Variants in GLRA3 observed in about 807,000 individuals in gnomAD.
The protein encoded by GLRA3 is glycine receptor subunit alpha-3.
In GLRA3, 44 loss-of-function variants were observed where a neutral mutation model predicts 60.4. The ratio of observed to expected loss-of-function variants is 0.73; its 90% CI spans 0.57 to 0.94. GLRA3 has a LOEUF of 0.94. Among genes scored for constraint, GLRA3 ranks in the 40% least tolerant of loss-of-function variants. The pLI is 0.00. For synonymous variants in GLRA3, 223 were observed against 192.9 expected (o/e 1.16, Z -1.29); for missense variants, 508 against 564.6 (o/e 0.90, Z 1.02).
chr4:174,782,748 A>C (rs975242424), intron 2 of GLRA3, among the ~76,000 whole-genome samples: 2 of 152,144 alleles, frequency 1.3e-5, no homozygotes, highest in African/African-American at 4.8e-5. Flanking sequence ...ATACCTAGGA[A>C]TCCAACTTAC....
At chr4:174,775,462 C>T (rs1385839) in intron 2 of GLRA3, among the ~76,000 whole-genome samples, 111,507 of 152,004 alleles carry the variant, frequency 0.73, 41,185 homozygotes, top group East Asian at 0.99. Context: ...ACAAATACAT[C>T]GTGAGGGCAA....
At chr4:174,713,990 A>T (rs1359299112) in intron 5 of GLRA3, among the ~76,000 whole-genome samples, 1 of 152,092 alleles carries the variant, frequency 6.6e-6, no homozygotes, top group Non-Finnish European at 1.5e-5. Context: ...TGATCCGTTT[A>T]TCTAAGCTAT....
At chr4:174,700,902 A>G (rs1338750427) in intron 5 of GLRA3, among the ~76,000 whole-genome samples, 1 of 152,184 alleles carries the variant, frequency 6.6e-6, no homozygotes, top group East Asian at 1.9e-4. Context: ...ATTGGAAGCT[A>G]GCAGAGGTTA....
chr4:174,816,944 A>G (rs1740526881), intron 1 of GLRA3, among the ~76,000 whole-genome samples: 2 of 152,098 alleles, frequency 1.3e-5, no homozygotes, highest in Non-Finnish European at 2.9e-5. Flanking sequence ...TGGGGTATCC[A>G]CCCCTCAACT....
intron 5 of GLRA3, among the ~76,000 whole-genome samples, chr4:174,693,772 C>G (rs548225990): frequency 6.6e-6 from 1 of 152,062 alleles, no homozygotes; most frequent in Admixed American, 6.6e-5. Context: ...ATAAATGCCC[C>G]ACTTAAAAGG....
intron 5 of GLRA3, among the ~76,000 whole-genome samples, chr4:174,693,038 T>G (rs1447876328): frequency 2.0e-5 from 3 of 152,182 alleles, no homozygotes; most frequent in Non-Finnish European, 2.9e-5. Flanking sequence ...GTTCAAATTC[T>G]TTATAGATGT....
chr4:174,804,366 T>A (rs1392970644), intron 1 of GLRA3, among the ~76,000 whole-genome samples: 1 of 152,114 alleles, frequency 6.6e-6, no homozygotes, highest in African/African-American at 2.4e-5. Context: ...AAGTACCTGA[T>A]CATGTAGTGC....
Position 174,639,412 on chromosome 4 carries a change from AAG to A in GLRA3, c.*4372_*4373del, listed in dbSNP as rs10541644. The stretch of plus-strand genomic sequence containing the variant: ...TGTGTGTGTGTGTGTGTGTGTGTGA[AAG>A]AGAGAGAGAGAGAGGGAAAGGGAAG... On this transcript the variant is annotated 3_prime_UTR_variant, in exon 10 of 10. Coordinates refer to ENST00000274093, the MANE Select transcript of GLRA3 (RefSeq NM_006529.4). 15 of 131,268 alleles carry A rather than the reference AAG, an allele frequency of 1.1e-4. No individual in the cohort carries two copies. The highest frequency in any genetic ancestry group is 1.0e-4 in the Non-Finnish European group (6 of 58,966). The allele number at this position is 131,268 out of a possible 1,614,324, so 8.1% of individuals were successfully genotyped here. A position where few individuals can be genotyped will look rare whatever the true frequency, so the allele number is the denominator to read the frequency against.
intron 5 of GLRA3, among the ~76,000 whole-genome samples, chr4:174,699,231 A>T (rs1283381540): frequency 6.6e-6 from 1 of 151,914 alleles, no homozygotes; most frequent in East Asian, 1.9e-4. Context: ...CGAACTCCTG[A>T]CCTTAGGTCA....
At chr4:174,674,417 A>G (rs1734033270) in intron 7 of GLRA3, among the ~76,000 whole-genome samples, 1 of 152,228 alleles carries the variant, frequency 6.6e-6, no homozygotes, top group Non-Finnish European at 1.5e-5. Context: ...CAAGGAATCA[A>G]TCACAGGAGT....
intron 5 of GLRA3, among the ~76,000 whole-genome samples, chr4:174,703,774 A>G (rs1326487307): frequency 6.6e-6 from 1 of 152,202 alleles, no homozygotes; most frequent in African/African-American, 2.4e-5. Context: ...TAACTTATAT[A>G]GTTTCTCAGT....
Position 174,644,004 on chromosome 4 carries a change from G to T in GLRA3, c.1177C>A (p.Gln393Lys), listed in dbSNP as rs761345475. 1 of 1,613,688 alleles carries T rather than the reference G, an allele frequency of 6.2e-7. No homozygotes were observed. The change falls in exon 10 of 10, where the codon CAA becomes AAA. Residue 393 changes from glutamine (Q) to lysine (K), a missense_variant. Physicochemically the swap from Gln to Lys is moderately conservative, Grantham distance 53. Coordinates refer to ENST00000274093, the MANE Select transcript of GLRA3 (RefSeq NM_006529.4). ...FTAYGMGPCL[Q>K]AKDGMTPKGP... ...TTTGGAGTCATGCCATCCTTTGCTT[G>T]TAGACATGGTCCCATTCCATAGGCT...
chr4:174,682,358 A>G (rs929891328), intron 6 of GLRA3, among the ~76,000 whole-genome samples: 4 of 152,138 alleles, frequency 2.6e-5, no homozygotes, highest in African/African-American at 4.8e-5. Context: ...CTTAGGTAAA[A>G]ATACACTGAA....
At chr4:174,783,977 C>A (rs955085489) in intron 2 of GLRA3, among the ~76,000 whole-genome samples, 1 of 150,468 alleles carries the variant, frequency 6.6e-6, no homozygotes, top group Non-Finnish European at 1.5e-5. Flanking sequence ...TGGGTATATA[C>A]CCAAAGGACT....
At chr4:174,811,806 T>C (rs183728933) in intron 1 of GLRA3, among the ~76,000 whole-genome samples, 10 of 152,306 alleles carry the variant, frequency 6.6e-5, no homozygotes, top group African/African-American at 2.4e-4. Flanking sequence ...GAACATTTTC[T>C]TCCTTATATT....
intron 1 of GLRA3, among the ~76,000 whole-genome samples, chr4:174,791,702 G>A (rs932378230): frequency 1.3e-5 from 2 of 152,010 alleles, no homozygotes; most frequent in African/African-American, 4.8e-5. Flanking sequence ...GCCTCCCTAA[G>A]CATGCTTCTA....
intron 3 of GLRA3, among the ~76,000 whole-genome samples, 156 bp downstream of exon 3, chr4:174,766,807 T>C (rs1738158359): frequency 6.6e-6 from 1 of 152,102 alleles, no homozygotes; most frequent in Admixed American, 6.6e-5. Context: ...AACTGAAATG[T>C]TATTACCTGC....
At chr4:174,805,820 T>C (rs1740026693) in intron 1 of GLRA3, among the ~76,000 whole-genome samples, 1 of 152,158 alleles carries the variant, frequency 6.6e-6, no homozygotes, top group South Asian at 2.1e-4. Flanking sequence ...AGAAGTTGGG[T>C]CTTCAAGAGG....
At chr4:174,808,105 C>G (rs1330164051) in intron 1 of GLRA3, among the ~76,000 whole-genome samples, 1 of 151,904 alleles carries the variant, frequency 6.6e-6, no homozygotes, top group Non-Finnish European at 1.5e-5. Context: ...AAGAGGACAT[C>G]ATAGGTTTGA....
Sources: allele counts gnomAD v4.1 joint callset (sites outside exome capture counted in the v4.1 genomes callset), GRCh38; gene constraint gnomAD v4.1.1; transcripts MANE v1.5; gene names NCBI Gene and HGNC (gene_info 2026-07-23, HGNC 2026-07-21).